Variants in CYP2J2 observed in about 807,000 individuals in gnomAD.
CYP2J2 encodes cytochrome P450 2J2.
Under a neutral mutation model 48.8 loss-of-function variants are expected in CYP2J2, and 41 were observed. That is an observed-to-expected ratio of 0.84 (90% CI 0.66 to 1.09). The LOEUF (loss-of-function observed/expected upper bound fraction) is 1.09. CYP2J2 is among the 50% of genes least tolerant of loss of function. CYP2J2 has a pLI of 0.00. For missense variants in CYP2J2, 644 were observed against 617.3 expected (o/e 1.04, Z -0.46); for synonymous variants, 221 against 227.1 (o/e 0.97, Z 0.24).
the CYP2J2 span, among the ~76,000 whole-genome samples, chr1:59,935,505 A>C: frequency 1.3e-5 from 2 of 152,232 alleles, no homozygotes; most frequent in Non-Finnish European, 2.9e-5. Context: ...TCAAAGCATC[A>C]CATTGTTCAC....
chr1:59,954,835 T>C, the CYP2J2 span, among the ~76,000 whole-genome samples: 8 of 152,014 alleles, frequency 5.3e-5, no homozygotes, highest in Admixed American at 1.3e-4. Context: ...GCCTCATGAT[T>C]TCTTATATAT....
intron 1 of CYP2J2, among the ~76,000 whole-genome samples, chr1:59,923,847 G>A (rs1185133833): frequency 1.3e-5 from 2 of 152,110 alleles, no homozygotes; most frequent in Non-Finnish European, 2.9e-5. Context: ...CAGTATCCAA[G>A]AGTCCAAGAA....
chr1:59,909,932 T>A lies in CYP2J2; in HGVS notation c.713A>T (p.Lys238Ile), dbSNP rs2102121843. ...QLYNVFPWIMKFLPGPHQTLF... is the reference protein window; with the variant it reads ...QLYNVFPWIMIFLPGPHQTLF... ...AGTTTGGTGGGGTCCAGGCAGGAAT[T>A]TCATTATCCATGGAAAGACATTGTA... The change falls in exon 5 of 9, where the codon AAA (lysine) becomes ATA (isoleucine). Residue 238 changes from lysine (K) to isoleucine (I), a missense_variant. Physicochemically the swap from Lys to Ile is moderately radical, Grantham distance 102. Coordinates refer to ENST00000371204, the MANE Select transcript of CYP2J2 (RefSeq NM_000775.4). The A allele has an allele frequency of 6.2e-7, 1 of 1,609,492 alleles. No homozygotes were observed. Among genetic ancestry groups the A allele is most frequent in the South Asian group, 1.1e-5 (1 of 89,776 alleles).
In CYP2J2 at chr1:59,912,041, G is replaced by A. The variant is rs1210292652; in HGVS notation, c.523+121C>T. ...CTCTTTGAGGACAGAGTTGTTCACT[G>A]TTCTATCTTCCATTCCTAGCACAGT... On this transcript the variant is annotated intron_variant, in intron 3 of 8. Coordinates refer to ENST00000371204, the MANE Select transcript of CYP2J2 (RefSeq NM_000775.4). The A allele has an allele frequency of 7.9e-6, 9 of 1,145,444 alleles. No individual in the cohort carries two copies. The South Asian group carries it at 1.3e-4, about 17-fold the overall frequency. The allele number at this position is 1,145,444 out of a possible 1,614,324, so 71.0% of individuals were successfully genotyped here.
the CYP2J2 span, among the ~76,000 whole-genome samples, chr1:59,964,622 A>G: frequency 1.3e-5 from 2 of 152,244 alleles, no homozygotes; most frequent in East Asian, 3.8e-4. Flanking sequence ...AATTGGACAA[A>G]TGTCCACTGC....
the CYP2J2 span, among the ~76,000 whole-genome samples, chr1:59,957,564 A>C: frequency 6.6e-6 from 1 of 152,128 alleles, no homozygotes; most frequent in Non-Finnish European, 1.5e-5. Flanking sequence ...CCTGTAGTGA[A>C]ATCCTCACTT....
At chr1:59,920,948 C>T (rs11572218) in intron 1 of CYP2J2, among the ~76,000 whole-genome samples, 342 of 152,190 alleles carry the variant, frequency 2.2e-3, no homozygotes, top group African/African-American at 7.8e-3. Context: ...AATCTTCTGT[C>T]CCTTTACTCC....
the CYP2J2 span, among the ~76,000 whole-genome samples, chr1:59,939,173 A>G: frequency 0.011 from 1,702 of 152,266 alleles, 26 homozygotes; most frequent in African/African-American, 0.039. Context: ...ACAATTGAAT[A>G]ATTAGGTATT....
the CYP2J2 span, among the ~76,000 whole-genome samples, chr1:59,954,590 G>C: frequency 1.3e-5 from 2 of 148,294 alleles, no homozygotes; most frequent in African/African-American, 2.5e-5. Context: ...TGGTGGGTCG[G>C]GGGGGGATGC....
In CYP2J2 at chr1:59,893,365, T is replaced by C. The variant is rs558299184; in HGVS notation, c.*286A>G. On this transcript the variant is annotated 3_prime_UTR_variant, in exon 9 of 9. Transcript: ENST00000371204. ...TTTACAAACCACTTAAAGCTCACCATTTCTTTTGATTCTTACAAGAACTTT... is the reference window on the plus strand; with the variant it reads ...TTTACAAACCACTTAAAGCTCACCACTTCTTTTGATTCTTACAAGAACTTT... 30 of 305,942 alleles carry C rather than the reference T, an allele frequency of 9.8e-5. No homozygotes were observed. The highest frequency in any genetic ancestry group is 1.7e-4 in the Non-Finnish European group (29 of 168,152). The allele number at this position is 305,942 out of a possible 1,614,324, so 19.0% of individuals were successfully genotyped here.
At chr1:59,935,146 A>G in the CYP2J2 span, among the ~76,000 whole-genome samples, 1 of 150,584 alleles carries the variant, frequency 6.6e-6, no homozygotes, top group Non-Finnish European at 1.5e-5. Flanking sequence ...TAAATGAAGT[A>G]AGCCAGCTAC....
the CYP2J2 span, among the ~76,000 whole-genome samples, chr1:59,965,698 C>T: frequency 6.4e-4 from 98 of 152,258 alleles, no homozygotes; most frequent in African/African-American, 2.2e-3. Flanking sequence ...GTTGCCCAGG[C>T]TGGAGGGCAG....
Position 59,911,595 on chromosome 1 carries a change from A to T in CYP2J2, c.684+13T>A, listed in dbSNP as rs923427119. 5 of 1,589,590 alleles carry T rather than the reference A, an allele frequency of 3.1e-6. No individual in the cohort carries two copies. In the African/African-American group the frequency reaches 5.4e-5, roughly 17 times the overall value. On this transcript the variant is annotated intron_variant, in intron 4 of 8. Coordinates refer to ENST00000371204, the MANE Select transcript of CYP2J2 (RefSeq NM_000775.4). ...ATTTACTGAACAAAGATATGGAGAG[A>T]CAGCTGCCTTACCTGGCATGTCTTT...
intron 1 of CYP2J2, among the ~76,000 whole-genome samples, chr1:59,918,503 C>T (rs553340480): frequency 5.5e-4 from 84 of 152,152 alleles, no homozygotes; most frequent in Admixed American, 8.5e-4. Context: ...TGTTTAAACA[C>T]GGGGTAGGAG....
At chr1:59,937,930 C>G in the CYP2J2 span, among the ~76,000 whole-genome samples, 1 of 152,048 alleles carries the variant, frequency 6.6e-6, no homozygotes, top group Non-Finnish European at 1.5e-5. Context: ...TTAATTATCT[C>G]TATCTTTTTG....
chr1:59,933,748 G>A, the CYP2J2 span, among the ~76,000 whole-genome samples: 1 of 152,030 alleles, frequency 6.6e-6, no homozygotes. Flanking sequence ...CAAATAAATG[G>A]AAAGACATCC....
the CYP2J2 span, among the ~76,000 whole-genome samples, chr1:59,939,007 G>A: frequency 8.7e-4 from 132 of 152,270 alleles, 5 homozygotes; most frequent in East Asian, 0.021. Flanking sequence ...ATGTTTTTGC[G>A]AGTTCCAGGT....
the CYP2J2 span, among the ~76,000 whole-genome samples, chr1:59,962,090 A>G: frequency 6.6e-6 from 1 of 152,172 alleles, no homozygotes; most frequent in African/African-American, 2.4e-5. Context: ...ATTTAATTGT[A>G]TATTTTAAAT....
At chr1:59,954,252 G>A in the CYP2J2 span, among the ~76,000 whole-genome samples, 1 of 152,158 alleles carries the variant, frequency 6.6e-6, no homozygotes, top group Non-Finnish European at 1.5e-5. Flanking sequence ...CTGAAATTTT[G>A]TGATTGCTTT....
Sources: gnomAD v4.1 joint callset for allele counts (sites outside exome capture counted in the v4.1 genomes callset) on GRCh38, gnomAD v4.1.1 for gene constraint, MANE v1.5 for transcripts, NCBI Gene and HGNC (gene_info 2026-07-23, HGNC 2026-07-21) for gene names.